PPP1R13B: variants seen among roughly 807,000 people sequenced by gnomAD.
PPP1R13B encodes apoptosis-stimulating of p53 protein 1.
In PPP1R13B, 44 loss-of-function variants were observed where a neutral mutation model predicts 119.8. That is an observed-to-expected ratio of 0.37 (90% CI 0.29 to 0.47). The LOEUF (loss-of-function observed/expected upper bound fraction) is 0.47. Among genes scored for constraint, PPP1R13B ranks in the 20% least tolerant of loss-of-function variants. The pLI is 0.99. For missense variants in PPP1R13B, 1,227 were observed against 1,413.5 expected, an observed-to-expected ratio of 0.87 and a Z score of 2.12; for synonymous variants, 542 against 561.5, an observed-to-expected ratio of 0.97 and a Z score of 0.49.
intron 4 of PPP1R13B, among the ~76,000 whole-genome samples, chr14:103,775,619 G>A (rs2085170229): frequency 6.6e-6 from 1 of 152,158 alleles, no homozygotes. Context: ...CATTCTGTTG[G>A]ACAAACAAGC....
intron 1 of PPP1R13B, among the ~76,000 whole-genome samples, chr14:103,823,914 C>T (rs1482030961): frequency 6.6e-6 from 1 of 151,982 alleles, no homozygotes; most frequent in Non-Finnish European, 1.5e-5. Context: ...CATACATATC[C>T]TTTCAAACCC....
chr14:103,752,613 C>T (rs150416525), intron 7 of PPP1R13B, among the ~76,000 whole-genome samples: 1 of 146,408 alleles, frequency 6.8e-6, no homozygotes, highest in African/African-American at 2.6e-5. Context: ...TGGCTTACTG[C>T]AGCTTCTGCC....
At chr14:103,774,783 A>G (rs1393832238) in intron 4 of PPP1R13B, among the ~76,000 whole-genome samples, 1 of 152,206 alleles carries the variant, frequency 6.6e-6, no homozygotes, top group Non-Finnish European at 1.5e-5. Context: ...TGTTTTTCAT[A>G]TCTTAAAATG....
chr14:103,763,648 C>T (rs1955660), intron 4 of PPP1R13B, among the ~76,000 whole-genome samples: 82,394 of 151,928 alleles, frequency 0.54, 23,283 homozygotes, highest in African/African-American at 0.72. Flanking sequence ...TTAGAGTTAA[C>T]TGAGGCATAA....
chr14:103,755,320 TGA>T, intron 5 of PPP1R13B, among the ~76,000 whole-genome samples: 1 of 152,204 alleles, frequency 6.6e-6, no homozygotes, highest in Non-Finnish European at 1.5e-5. Flanking sequence ...AATTTTACAC[TGA>T]AAAGAGATAA....
In PPP1R13B at chr14:103,738,050, G is replaced by C. The variant is rs1013765593; in HGVS notation, c.2865-190C>G. Among the ~76,000 whole-genome samples, 10 of 152,230 alleles carry C rather than the reference G, an allele frequency of 6.6e-5. No homozygotes were observed. The highest frequency in any genetic ancestry group is 1.3e-4 in the Admixed American group (2 of 15,282). ...TCAGACCATACATACATTTTGAAAA[G>C]GGGGCACAGGGAATGGGTTAAGAAA... is the stretch of plus-strand genomic sequence containing the variant. On this transcript the variant is annotated intron_variant, in intron 14 of 16. Transcript: ENST00000202556. This position sits in a 1 kb window ranked among gnomAD's most constrained non-coding sequence, Gnocchi z 5.6.
intron 4 of PPP1R13B, among the ~76,000 whole-genome samples, chr14:103,772,590 G>A (rs2085096962): frequency 6.6e-6 from 1 of 151,950 alleles, no homozygotes; most frequent in South Asian, 2.1e-4. Context: ...GACTAATGAT[G>A]GTGAACACCT....
In PPP1R13B at chr14:103,757,750, A is replaced by G; in HGVS notation, c.356T>C (p.Val119Ala). The G allele has an allele frequency of 6.2e-7, 1 of 1,612,926 alleles. No individual in the cohort carries two copies. The highest frequency in any genetic ancestry group is 1.1e-5 in the South Asian group (1 of 90,806). The change falls in exon 5 of 17, where the codon GTT becomes GCT. Residue 119 changes from valine (V) to alanine (A), a missense_variant and splice_region_variant. By Grantham distance (64) the Val-to-Ala change is moderately conservative (BLOSUM62 0). Coordinates refer to ENST00000202556, the MANE Select transcript of PPP1R13B (RefSeq NM_015316.3). ...VPGEKRTENGVGNPRVELTLS... is the reference protein window; with the variant it reads ...VPGEKRTENGAGNPRVELTLS... ...GGTAAGTTCAACACGTGGATTCCCA[A>G]CCTAAACAAAAAGCACTTATTTTGG...
intron 1 of PPP1R13B, among the ~76,000 whole-genome samples, chr14:103,843,012 C>T (rs1444830913): frequency 2.0e-5 from 3 of 151,880 alleles, no homozygotes; most frequent in Non-Finnish European, 4.4e-5. Context: ...GCAACATTCC[C>T]CACATATATC....
intron 15 of PPP1R13B, chr14:103,737,486 G>C: frequency 1.9e-6 from 1 of 523,126 alleles, no homozygotes; most frequent in Non-Finnish European, 3.2e-6. Flanking sequence ...TGAAGTGGGA[G>C]GATCAATTGA....
intron 3 of PPP1R13B, among the ~76,000 whole-genome samples, chr14:103,783,268 T>C (rs2085378498): frequency 1.3e-5 from 2 of 152,132 alleles, no homozygotes; most frequent in South Asian, 2.1e-4. Context: ...TTTATTTATA[T>C]GTATTTCCTG....
At chr14:103,796,948 C>T (rs1468434497) in intron 2 of PPP1R13B, among the ~76,000 whole-genome samples, 1 of 151,492 alleles carries the variant, frequency 6.6e-6, no homozygotes, top group East Asian at 1.9e-4. Context: ...GAGACCAAGA[C>T]TCCATGTCAG....
chr14:103,847,602 C>T, upstream of PPP1R13B: 3 of 986,556 alleles, frequency 3.0e-6, no homozygotes, highest in Non-Finnish European at 3.6e-6. Flanking sequence ...GCTCGCTCTT[C>T]AGCCCCCGCA....
Position 103,835,344 on chromosome 14 carries a change from T to C in PPP1R13B, c.9+11955A>G, listed in dbSNP as rs1183815286. 4.6e-5 allele frequency among the ~76,000 whole-genome samples: 7 copies of C among 151,858 alleles called. No homozygotes were observed. The East Asian group carries it at 1.4e-3, about 29-fold the overall frequency. ...TTTGCCATGATGGCCAAGCTGGTGT[T>C]AAACTCCTGGGCTCAAGCAATCCTC... is the stretch of plus-strand genomic sequence containing the variant. On this transcript the variant is annotated intron_variant, in intron 1 of 16. Transcript: ENST00000202556.
intron 1 of PPP1R13B, among the ~76,000 whole-genome samples, chr14:103,835,830 C>T (rs1285153155): frequency 6.6e-6 from 1 of 151,586 alleles, no homozygotes; most frequent in African/African-American, 2.4e-5. Context: ...AGGATGGTCT[C>T]GATCTCATGA....
intron 1 of PPP1R13B, among the ~76,000 whole-genome samples, chr14:103,831,558 G>A (rs1400594821): frequency 2.0e-5 from 3 of 150,386 alleles, no homozygotes; most frequent in Non-Finnish European, 4.4e-5. Context: ...TGATCCACCC[G>A]CCTCAGCCTC....
intron 7 of PPP1R13B, among the ~76,000 whole-genome samples, chr14:103,750,940 G>C (rs1015621512): frequency 6.6e-6 from 1 of 151,782 alleles, no homozygotes; most frequent in Non-Finnish European, 1.5e-5. Flanking sequence ...CAGATCACGA[G>C]GTCAGGAGTT....
chr14:103,737,374 G>A lies in PPP1R13B; in HGVS notation c.3031+320C>T, dbSNP rs185506189. 18 of 222,454 alleles carry A rather than the reference G, an allele frequency of 8.1e-5. No individual in the cohort carries two copies. The East Asian group carries it at 2.2e-3, about 27-fold the overall frequency. The allele number at this position is 222,454 out of a possible 1,614,324, so 13.8% of individuals were successfully genotyped here. On this transcript the variant is annotated intron_variant, in intron 15 of 16. Transcript: ENST00000202556. ...GAGCCCAGAAGTTCGAGACCACCCT[G>A]GGCAACATGGCGAAACACTGTCTCT... is the stretch of plus-strand genomic sequence containing the variant.
upstream of PPP1R13B, chr14:103,847,586 C>G (rs913145362): frequency 1.6e-5 from 16 of 986,356 alleles, no homozygotes; most frequent in African/African-American, 1.1e-4. Flanking sequence ...GCGGCCCGCC[C>G]GCCCGGCTCG....
Sources: gnomAD v4.1 joint callset for allele counts (sites outside exome capture counted in the v4.1 genomes callset) on GRCh38, gnomAD v4.1.1 for gene constraint, Gnocchi (gnomAD v3.1) non-coding constraint, MANE v1.5 for transcripts, NCBI Gene and HGNC (gene_info 2026-07-23, HGNC 2026-07-21) for gene names.